Variants in FHL5 observed in about 807,000 individuals in gnomAD.
The protein encoded by FHL5 is four and a half LIM domains protein 5.
In FHL5, 33 loss-of-function variants were observed where a neutral mutation model predicts 32.0. The ratio of observed to expected loss-of-function variants is 1.03; its 90% CI spans 0.78 to 1.38. The LOEUF is 1.38. Among genes scored for constraint, FHL5 ranks in the 40% most tolerant of loss-of-function variants. The pLI, the probability that FHL5 is intolerant of heterozygous loss-of-function variation, is 0.00. For synonymous variants in FHL5, 114 were observed against 113.6 expected, an observed-to-expected ratio of 1.00 and a Z score of -0.02; for missense variants, 336 against 343.9, an observed-to-expected ratio of 0.98 and a Z score of 0.18.
chr6:96,592,541 T>C (rs1381240200), intron 1 of FHL5, among the ~76,000 whole-genome samples: 1 of 152,020 alleles, frequency 6.6e-6, no homozygotes, highest in African/African-American at 2.4e-5. Context: ...ACATACATCC[T>C]CCTCAGCTTA....
At chr6:96,571,678 A>G (rs1412385376) in intron 1 of FHL5, among the ~76,000 whole-genome samples, 1 of 152,036 alleles carries the variant, frequency 6.6e-6, no homozygotes, top group Non-Finnish European at 1.5e-5. Flanking sequence ...CTGTGATTCT[A>G]CCCCTGGGGG....
Position 96,616,580 on chromosome 6 carries a change from C to T in FHL5, c.*808C>T, listed in dbSNP as rs1192481762. ...GTCTATTCTTTCAAGTGGAGCTAAC[C>T]AGGATAATCTTTGTCCCCAAAGGCA... On this transcript the variant is annotated 3_prime_UTR_variant, in exon 6 of 6. Transcript: ENST00000450218. 1 of 152,126 alleles carries T rather than the reference C, an allele frequency of 6.6e-6. No homozygotes were observed. Among genetic ancestry groups the T allele is most frequent in the Non-Finnish European group, 1.5e-5 (1 of 68,024 alleles). The allele number at this position is 152,126 out of a possible 1,614,324, so 9.4% of individuals were successfully genotyped here. A position where few individuals can be genotyped will look rare whatever the true frequency, so the allele number is the denominator to read the frequency against.
At chr6:96,592,425 T>C (rs943616998) in intron 1 of FHL5, among the ~76,000 whole-genome samples, 20 of 152,306 alleles carry the variant, frequency 1.3e-4, no homozygotes, top group African/African-American at 4.8e-4. Flanking sequence ...CCTTGAACAT[T>C]GCTGTTATCC....
At chr6:96,607,884 TGGGTG>T (rs1345314176) in intron 4 of FHL5, among the ~76,000 whole-genome samples, 1 of 151,868 alleles carries the variant, frequency 6.6e-6, no homozygotes, top group African/African-American at 2.4e-5. Flanking sequence ...CCCAGCTACT[TGGGTG>T]GCTGAGGCAG....
At chr6:96,615,530 T>C in intron 5 of FHL5, 79 bp from the exon 6 acceptor site, 1 of 1,216,162 alleles carries the variant, frequency 8.2e-7, no homozygotes. Context: ...TATCTCCAGT[T>C]CCTAGAGGAG....
At position 96,614,817 on chromosome 6, in the gene FHL5, G is replaced by A. The variant is rs77286295; in HGVS notation, c.692-792G>A. ...AGGAGACAGAGATCAGACCCTCACC[G>A]AAGATTCAAATTCGACTACTTTTTA... On this transcript the variant is annotated intron_variant, in intron 5 of 5. Transcript: ENST00000450218. Among the ~76,000 whole-genome samples, 456 of 152,244 alleles carry A rather than the reference G, an allele frequency of 3.0e-3. 5 individuals carry two copies. The highest frequency in any genetic ancestry group is 0.011 in the African/African-American group (438 of 41,552).
At chr6:96,609,601 C>A (rs1431666349) in intron 4 of FHL5, among the ~76,000 whole-genome samples, 1 of 152,226 alleles carries the variant, frequency 6.6e-6, no homozygotes, top group East Asian at 1.9e-4. Flanking sequence ...GCTCAATGTA[C>A]AACCAGGGCT....
chr6:96,574,838 T>A (rs963723342), intron 1 of FHL5, among the ~76,000 whole-genome samples: 9 of 152,220 alleles, frequency 5.9e-5, no homozygotes, highest in African/African-American at 1.7e-4. Flanking sequence ...ACTTATAATA[T>A]TCTTCACTTA....
intron 1 of FHL5, among the ~76,000 whole-genome samples, chr6:96,597,263 G>A (rs553238382): frequency 6.6e-6 from 1 of 151,370 alleles, no homozygotes; most frequent in Non-Finnish European, 1.5e-5. Context: ...ATAATTACTT[G>A]TTCATGTAAA....
intron 4 of FHL5, among the ~76,000 whole-genome samples, chr6:96,608,293 A>T (rs1434708160): frequency 2.0e-5 from 3 of 152,176 alleles, no homozygotes; most frequent in African/African-American, 7.2e-5. Context: ...CTGTAACTAT[A>T]TTTAGGATAT....
intron 5 of FHL5, among the ~76,000 whole-genome samples, chr6:96,613,006 C>A (rs1028254067): frequency 2.6e-5 from 4 of 152,076 alleles, no homozygotes; most frequent in African/African-American, 9.7e-5. Flanking sequence ...TTCAGTTAAA[C>A]AGGGGAAATA....
intron 4 of FHL5, among the ~76,000 whole-genome samples, chr6:96,610,315 T>C (rs992701990): frequency 6.6e-6 from 1 of 152,206 alleles, no homozygotes; most frequent in African/African-American, 2.4e-5. Context: ...TTCTTTCTAC[T>C]TCTAATTAAT....
Position 96,601,478 on chromosome 6 carries a change from A to G in FHL5, c.-12-2124A>G, listed in dbSNP as rs17056752. Among the ~76,000 whole-genome samples the G allele has an allele frequency of 9.2e-3, 1,400 of 152,350 alleles. 21 individuals carry two copies. The highest frequency in any genetic ancestry group is 0.032 in the African/African-American group (1,338 of 41,586). ...TTTAGACTTCTGATCTGATCACTAA[A>G]TAAGTTACAGGTATTTTGATGTTGT... On this transcript the variant is annotated intron_variant, in intron 1 of 5. Transcript: ENST00000450218.
intron 1 of FHL5, among the ~76,000 whole-genome samples, chr6:96,584,459 G>T (rs113522909): frequency 6.5e-5 from 9 of 137,952 alleles, no homozygotes; most frequent in African/African-American, 1.2e-4. Flanking sequence ...GTGTGTGTGT[G>T]TTTGTGTGTG....
At chr6:96,606,345 G>T (rs111802467) in intron 4 of FHL5, among the ~76,000 whole-genome samples, 4,263 of 151,420 alleles carry the variant, frequency 0.028, 66 homozygotes, top group Non-Finnish European at 0.031. Context: ...ACTGTTTTTT[G>T]TTGTTGTTGT....
chr6:96,592,015 C>A lies in FHL5; in HGVS notation c.-12-11587C>A, dbSNP rs138689779. On this transcript the variant is annotated intron_variant, in intron 1 of 5. Transcript: ENST00000450218. ...TATCACAAGGCAAATGGAGGCAGGG[C>A]GAGATCACAGGACCATAGGACCGGG... is the stretch of plus-strand genomic sequence containing the variant. 3.6e-3 allele frequency among the ~76,000 whole-genome samples: 555 copies of A among 152,094 alleles called. 5 individuals carry two copies. The highest frequency in any genetic ancestry group is 3.8e-3 in the Non-Finnish European group (261 of 67,962).
intron 2 of FHL5, among the ~76,000 whole-genome samples, chr6:96,604,167 T>C (rs1771218461): frequency 6.6e-6 from 1 of 152,180 alleles, no homozygotes; most frequent in African/African-American, 2.4e-5. Flanking sequence ...TGTTTTCTGA[T>C]GTAAAATCAG....
chr6:96,588,531 T>C (rs1200678440), intron 1 of FHL5, among the ~76,000 whole-genome samples: 1 of 152,210 alleles, frequency 6.6e-6, no homozygotes, highest in African/African-American at 2.4e-5. Flanking sequence ...CACCAACATT[T>C]GATATTGTCA....
chr6:96,598,452 A>G (rs1296146773), intron 1 of FHL5, among the ~76,000 whole-genome samples: 2 of 152,206 alleles, frequency 1.3e-5, no homozygotes, highest in Admixed American at 6.5e-5. Context: ...AGGCCAATCC[A>G]TAATATCCAT....
Sources: allele counts gnomAD v4.1 joint callset (sites outside exome capture counted in the v4.1 genomes callset), GRCh38; gene constraint gnomAD v4.1.1; transcripts MANE v1.5; gene names NCBI Gene and HGNC (gene_info 2026-07-23, HGNC 2026-07-21).